The following DPP10 variants were observed in gnomAD, a reference collection of about 807,000 sequenced individuals.
DPP10 encodes the protein inactive dipeptidyl peptidase 10.
Under a neutral mutation model 120.9 loss-of-function variants are expected in DPP10, and 33 were observed. That is an observed-to-expected ratio of 0.27 (90% confidence interval 0.21 to 0.37). DPP10 has a LOEUF of 0.37. Ranked by LOEUF, DPP10 falls within the 10% of genes least tolerant of loss-of-function variation. The probability of loss-of-function intolerance (pLI) is 1.00; values close to 1 mark genes in which losing one functional copy is unlikely to be tolerated. For missense variants in DPP10, 816 were observed against 942.8 expected, an observed-to-expected ratio of 0.87 and a Z score of 1.76; for synonymous variants, 337 against 326.1, an observed-to-expected ratio of 1.03 and a Z score of -0.36.
chr2:115,654,929 T>C (rs914162904), intron 5 of DPP10, among the ~76,000 whole-genome samples: 1 of 151,842 alleles, frequency 6.6e-6, no homozygotes, highest in Non-Finnish European at 1.5e-5. Context: ...CTTTGACTTT[T>C]AGGTTGCATT....
Position 115,386,045 on chromosome 2 carries a change from A to G in DPP10, c.271+42133A>G, listed in dbSNP as rs184210804. ...ATTAAATTTATTTTTAAGTGTTTTA[A>G]TTCTGTGGAATAATTGGTGTTTAGG... On this transcript the variant is annotated intron_variant, in intron 3 of 25. Transcript: ENST00000410059. Among the ~76,000 whole-genome samples the G allele has an allele frequency of 6.1e-4, 93 of 152,338 alleles. 1 individual carries two copies. The South Asian group carries it at 9.5e-3, about 16-fold the overall frequency.
At chr2:115,654,640 AT>A (rs112009108) in intron 5 of DPP10, among the ~76,000 whole-genome samples, 9,228 of 151,890 alleles carry the variant, frequency 0.061, 937 homozygotes, top group African/African-American at 0.21. Context: ...GCTTTAAGAA[AT>A]CTTGTCATAA....
intron 1 of DPP10, among the ~76,000 whole-genome samples, chr2:114,976,910 A>T: frequency 6.6e-6 from 1 of 151,740 alleles, no homozygotes; most frequent in East Asian, 1.9e-4. Flanking sequence ...TTTACCTTCA[A>T]TCTTCTTTGT....
At chr2:115,383,401 C>A (rs956406543) in intron 3 of DPP10, among the ~76,000 whole-genome samples, 4 of 152,212 alleles carry the variant, frequency 2.6e-5, no homozygotes, top group African/African-American at 9.6e-5. Context: ...TCCTCCCCAG[C>A]CATGTGGAAC....
chr2:115,776,753 G>A (rs959933961), intron 13 of DPP10, among the ~76,000 whole-genome samples: 1 of 151,600 alleles, frequency 6.6e-6, no homozygotes, highest in East Asian at 1.9e-4. Flanking sequence ...ATTCATCTCT[G>A]AAAAAAAATT....
intron 3 of DPP10, among the ~76,000 whole-genome samples, chr2:115,384,690 G>GAAA (rs1255254180): frequency 2.8e-5 from 4 of 140,414 alleles, no homozygotes; most frequent in African/African-American, 1.2e-4. Context: ...AGAGGAAGAA[G>GAAA]AAGAAAAAGA....
At chr2:115,219,169 C>T (rs1042690108) in intron 1 of DPP10, among the ~76,000 whole-genome samples, 4 of 152,114 alleles carry the variant, frequency 2.6e-5, no homozygotes, top group African/African-American at 9.7e-5. Flanking sequence ...TTTAATTTTT[C>T]ATCCCAAGAT....
At chr2:115,586,747 C>G (rs1208132378) in intron 5 of DPP10, among the ~76,000 whole-genome samples, 1 of 152,072 alleles carries the variant, frequency 6.6e-6, no homozygotes, top group Non-Finnish European at 1.5e-5. Flanking sequence ...AACTACACAA[C>G]TTTTTTTAAG....
chr2:114,605,575 G>C (rs1291737250), intron 1 of DPP10, among the ~76,000 whole-genome samples: 1 of 152,058 alleles, frequency 6.6e-6, no homozygotes, highest in South Asian at 2.1e-4. Context: ...AAGCTTTCCA[G>C]TCAGGGATAG....
chr2:114,480,550 C>G (rs1680933961), intron 1 of DPP10, among the ~76,000 whole-genome samples: 1 of 151,986 alleles, frequency 6.6e-6, no homozygotes, highest in Non-Finnish European at 1.5e-5. Flanking sequence ...AGTTCATGTC[C>G]TTTGTAGGAA....
chr2:114,698,683 G>A (rs561737167), intron 1 of DPP10, among the ~76,000 whole-genome samples: 2 of 152,166 alleles, frequency 1.3e-5, no homozygotes, highest in Non-Finnish European at 2.9e-5. Flanking sequence ...GAAAGCAAGT[G>A]AAAGTTTGGA....
At chr2:115,004,673 C>G (rs552365389) in intron 1 of DPP10, among the ~76,000 whole-genome samples, 3 of 152,162 alleles carry the variant, frequency 2.0e-5, no homozygotes, top group African/African-American at 4.8e-5. Context: ...GCTTAAAAAA[C>G]GGCGCACCAT....
At chr2:115,816,627 T>G (rs1386551175) in intron 21 of DPP10, among the ~76,000 whole-genome samples, 1 of 149,754 alleles carries the variant, frequency 6.7e-6, no homozygotes, top group Non-Finnish European at 1.5e-5. Flanking sequence ...TTGTTTTTTT[T>G]TTTTTTTTGA....
chr2:115,650,577 A>G lies in DPP10; in HGVS notation c.442-39110A>G, dbSNP rs375788143. On this transcript the variant is annotated intron_variant, in intron 5 of 25. Transcript: ENST00000410059. ...ATTGTTCTATTTCATATATTTTGTC[A>G]TATAATCCACCTCCTAAGAAAGACT... Among the ~76,000 whole-genome samples, 12 of 152,142 alleles carry G rather than the reference A, an allele frequency of 7.9e-5. No homozygotes were observed. The East Asian group carries it at 2.1e-3, about 27-fold the overall frequency.
intron 1 of DPP10, among the ~76,000 whole-genome samples, chr2:115,017,822 G>A (rs568674040): frequency 6.6e-6 from 1 of 151,878 alleles, no homozygotes; most frequent in Non-Finnish European, 1.5e-5. Context: ...CTTGGACACA[G>A]GTAGGGGGAC....
intron 1 of DPP10, among the ~76,000 whole-genome samples, chr2:114,758,452 C>T (rs1034393925): frequency 2.6e-5 from 4 of 152,124 alleles, no homozygotes; most frequent in Admixed American, 6.5e-5. Context: ...AATTTCATAG[C>T]TGTGTTAATT....
intron 5 of DPP10, among the ~76,000 whole-genome samples, chr2:115,643,397 C>T (rs2086950676): frequency 6.6e-6 from 1 of 152,036 alleles, no homozygotes; most frequent in South Asian, 2.1e-4. Flanking sequence ...ATAGTAGCAG[C>T]ATGAAAAATT....
At chr2:114,975,513 T>C (rs1325820255) in intron 1 of DPP10, among the ~76,000 whole-genome samples, 1 of 152,194 alleles carries the variant, frequency 6.6e-6, no homozygotes, top group Non-Finnish European at 1.5e-5. Flanking sequence ...AAGAAACATT[T>C]CTCCTGCATC....
chr2:114,723,867 A>G (rs1398255594), intron 1 of DPP10, among the ~76,000 whole-genome samples: 1 of 152,224 alleles, frequency 6.6e-6, no homozygotes, highest in Non-Finnish European at 1.5e-5. Context: ...GACTAAATCA[A>G]CACAACAATA....
Sources: allele counts gnomAD v4.1 joint callset (sites outside exome capture counted in the v4.1 genomes callset), GRCh38; gene constraint gnomAD v4.1.1; transcripts MANE v1.5; gene names NCBI Gene and HGNC (gene_info 2026-07-23, HGNC 2026-07-21).